Variants in CNTNAP3B observed in about 807,000 individuals in gnomAD.
CNTNAP3B encodes contactin associated protein family member 3B.
A neutral mutation model predicts 108.9 loss-of-function variants in CNTNAP3B; 25 were observed. The observed-to-expected ratio is 0.23, with a 90% CI of 0.17 to 0.32. The LOEUF (loss-of-function observed/expected upper bound fraction) is 0.32. CNTNAP3B is among the 10% of genes least tolerant of loss of function. The pLI is 1.00. For synonymous variants in CNTNAP3B, 103 were observed against 473.4 expected (o/e 0.22, Z 10.16); for missense variants, 252 against 1,210.4 (o/e 0.21, Z 11.75).
chr9:42,070,327 C>T (rs1587245685), intron 3 of CNTNAP3B, among the ~76,000 whole-genome samples: 1 of 149,706 alleles, frequency 6.7e-6, no homozygotes, highest in African/African-American at 2.5e-5. Context: ...CAGAAGGAAA[C>T]AAGCCATGAT....
At chr9:42,099,830 T>C (rs186082562) in intron 2 of CNTNAP3B, among the ~76,000 whole-genome samples, 1,325 of 75,196 alleles carry the variant, frequency 0.018, 367 homozygotes, top group African/African-American at 0.062. Context: ...AAAGCATATA[T>C]ATTTTTTAAT....
chr9:41,928,361 T>G (rs1427019497), intron 15 of CNTNAP3B, among the ~76,000 whole-genome samples: 10 of 152,174 alleles, frequency 6.6e-5, no homozygotes, highest in Admixed American at 5.9e-4. Flanking sequence ...GTGGGTAGGT[T>G]TGCATCTCAG....
intron 13 of CNTNAP3B, among the ~76,000 whole-genome samples, chr9:41,951,848 G>A (rs1461430016): frequency 1.6e-4 from 24 of 152,310 alleles, no homozygotes; most frequent in South Asian, 6.2e-4. Flanking sequence ...AGGCTGAGGC[G>A]GGCGGATCAC....
intron 3 of CNTNAP3B, among the ~76,000 whole-genome samples, chr9:42,055,912 AG>A (rs1827057551): frequency 9.5e-6 from 1 of 105,044 alleles, no homozygotes; most frequent in Non-Finnish European, 1.9e-5. Context: ...AAATAAATAA[AG>A]CCTGTCTTTT....
At chr9:41,928,067 G>A (rs1033655947) in intron 15 of CNTNAP3B, among the ~76,000 whole-genome samples, 1 of 152,142 alleles carries the variant, frequency 6.6e-6, no homozygotes, top group African/African-American at 2.4e-5. Context: ...AATAATTAAC[G>A]CTAAGGCATA....
intron 1 of CNTNAP3B, among the ~76,000 whole-genome samples, chr9:42,124,759 C>CA (rs1208289337): frequency 7.9e-6 from 1 of 126,488 alleles, no homozygotes; most frequent in East Asian, 2.4e-4. Context: ...ATAAACTTCC[C>CA]AAAAAGAATG....
chr9:42,070,726 T>C (rs1456239448), intron 3 of CNTNAP3B, among the ~76,000 whole-genome samples: 1 of 152,170 alleles, frequency 6.6e-6, no homozygotes, highest in Non-Finnish European at 1.5e-5. Context: ...TCAGTGCTGA[T>C]CGGCAGATCT....
intron 2 of CNTNAP3B, among the ~76,000 whole-genome samples, chr9:42,103,699 C>A (rs1828047973): frequency 1.1e-5 from 1 of 88,210 alleles, no homozygotes; most frequent in Non-Finnish European, 2.3e-5. Flanking sequence ...TGCACCACCG[C>A]ACTCCAGCCT....
At chr9:41,930,332 C>A (rs1470793657) in intron 14 of CNTNAP3B, among the ~76,000 whole-genome samples, 4 of 152,268 alleles carry the variant, frequency 2.6e-5, no homozygotes, top group Admixed American at 2.0e-4. Flanking sequence ...TGCTTGAGCT[C>A]TGGAGTTCGA....
At chr9:42,121,545 C>A (rs1828461536) in intron 1 of CNTNAP3B, among the ~76,000 whole-genome samples, 2 of 138,786 alleles carry the variant, frequency 1.4e-5, no homozygotes, top group African/African-American at 5.7e-5. Flanking sequence ...GACAATCAAC[C>A]CCGGCCACCC....
rs555587438 is a variant in CNTNAP3B, at chr9:41,999,554, C to A, written c.539-950G>T. On this transcript the variant is annotated intron_variant, in intron 4 of 23. Transcript: ENST00000377561. ...CTCTACACACACACACACATACACA[C>A]ACACACACACACACAGGCACACAGA... 7.2e-5 allele frequency among the ~76,000 whole-genome samples: 9 copies of A among 124,626 alleles called. No individual in the cohort carries two copies. In the East Asian group the frequency reaches 2.2e-3, roughly 30 times the overall value. The allele number at this position is 124,626 out of a possible 152,430, so 81.8% of individuals were successfully genotyped here.
At chr9:41,950,925 T>C (rs1269472230) in intron 13 of CNTNAP3B, among the ~76,000 whole-genome samples, 1 of 148,356 alleles carries the variant, frequency 6.7e-6, no homozygotes, top group East Asian at 2.0e-4. Context: ...CTGGCTACTT[T>C]TTTGTATTTT....
At chr9:41,962,119 T>C (rs1407125509) in intron 11 of CNTNAP3B, among the ~76,000 whole-genome samples, 1 of 152,226 alleles carries the variant, frequency 6.6e-6, no homozygotes, top group Non-Finnish European at 1.5e-5. Context: ...ATAGTATATA[T>C]TAATTGAATA....
chr9:42,108,103 G>C (rs1216764337), intron 1 of CNTNAP3B, among the ~76,000 whole-genome samples: 1 of 138,816 alleles, frequency 7.2e-6, no homozygotes, highest in African/African-American at 2.9e-5. Context: ...TTTCTTTCTA[G>C]AAAGAATTGT....
At position 42,105,813 on chromosome 9, in the gene CNTNAP3B, A is replaced by G. The variant is rs1334893301; in HGVS notation, c.86-1074T>C. On this transcript the variant is annotated intron_variant, in intron 1 of 23. Coordinates refer to ENST00000377561, the MANE Select transcript of CNTNAP3B (RefSeq NM_001201380.3). The stretch of plus-strand genomic sequence containing the variant: ...GGTTATTGATCTAATAATGTTACAC[A>G]TAAGTTTTCTGTCACACATTAAGAT... Among the ~76,000 whole-genome samples the G allele has an allele frequency of 3.3e-5, 3 of 91,244 alleles. 1 individual carries two copies. Among genetic ancestry groups the G allele is most frequent in the African/African-American group, 8.4e-5 (2 of 23,908 alleles). The allele number at this position is 91,244 out of a possible 152,430, so 59.9% of individuals were successfully genotyped here. A position where few individuals can be genotyped will look rare whatever the true frequency, so the allele number is the denominator to read the frequency against.
At chr9:42,087,637 C>A (rs1475540211) in intron 2 of CNTNAP3B, among the ~76,000 whole-genome samples, 1 of 142,684 alleles carries the variant, frequency 7.0e-6, no homozygotes, top group Admixed American at 7.0e-5. Flanking sequence ...ACAGGTGTTG[C>A]CATTCTTTAA....
intron 1 of CNTNAP3B, among the ~76,000 whole-genome samples, chr9:42,124,908 G>T (rs1828535263): frequency 7.3e-6 from 1 of 136,892 alleles, no homozygotes; most frequent in African/African-American, 2.9e-5. Flanking sequence ...ACATCTCTTA[G>T]GTAAAATGCA....
intron 11 of CNTNAP3B, among the ~76,000 whole-genome samples, chr9:41,963,963 C>T (rs1440453159): frequency 1.3e-5 from 2 of 151,574 alleles, no homozygotes; most frequent in Non-Finnish European, 3.0e-5. Context: ...ATTCACTTTA[C>T]AATCATCATC....
intron 13 of CNTNAP3B, among the ~76,000 whole-genome samples, chr9:41,941,223 T>TAAATG (rs1348529202): frequency 4.7e-5 from 7 of 150,336 alleles, no homozygotes; most frequent in Non-Finnish European, 7.4e-5. Flanking sequence ...AAAATTACCT[T>TAAATG]AAATGTAAAT....
Sources: allele counts gnomAD v4.1 joint callset (sites outside exome capture counted in the v4.1 genomes callset), GRCh38; gene constraint gnomAD v4.1.1; transcripts MANE v1.5; gene names NCBI Gene and HGNC (gene_info 2026-07-23, HGNC 2026-07-21).